Variants in ZBTB7C observed in about 807,000 individuals in gnomAD.
ZBTB7C encodes zinc finger and BTB domain containing 7C, also known as zinc finger and BTB domain-containing protein 7C.
Under a neutral mutation model 25.7 loss-of-function variants are expected in ZBTB7C, and 8 were observed. The observed-to-expected ratio is 0.31, with a 90% CI of 0.18 to 0.56. The LOEUF (loss-of-function observed/expected upper bound fraction) is 0.56. Among genes scored for constraint, ZBTB7C ranks in the 20% least tolerant of loss-of-function variants. The pLI is 0.91. For synonymous variants in ZBTB7C, 394 were observed against 369.0 expected, an observed-to-expected ratio of 1.07 and a Z score of -0.78; for missense variants, 824 against 855.2, an observed-to-expected ratio of 0.96 and a Z score of 0.46.
chr18:48,102,545 A>G (rs2038866900), intron 3 of ZBTB7C, among the ~76,000 whole-genome samples: 1 of 143,564 alleles, frequency 7.0e-6, no homozygotes, highest in African/African-American at 2.6e-5. Flanking sequence ...AGGCTGGGTG[A>G]CAGAGTGAGA....
intron 2 of ZBTB7C, among the ~76,000 whole-genome samples, chr18:48,272,444 T>C (rs2144583079): frequency 6.6e-6 from 1 of 152,256 alleles, no homozygotes; most frequent in Admixed American, 6.5e-5. Context: ...AGGGGAGAGA[T>C]GTATTCCAGA....
chr18:48,261,582 C>T (rs1282192413), intron 2 of ZBTB7C, among the ~76,000 whole-genome samples: 3 of 152,146 alleles, frequency 2.0e-5, no homozygotes, highest in Admixed American at 2.0e-4. Context: ...TGAAGGATAC[C>T]CCTGATTCCC....
intron 1 of ZBTB7C, among the ~76,000 whole-genome samples, chr18:48,367,202 TACACAC>T (rs1180190109): frequency 0.046 from 2,924 of 63,216 alleles, 308 homozygotes; most frequent in African/African-American, 0.16. Context: ...TATATATATA[TACACAC>T]ACACACACAC....
At chr18:48,209,828 A>G (rs1374916099) in intron 2 of ZBTB7C, among the ~76,000 whole-genome samples, 1 of 152,222 alleles carries the variant, frequency 6.6e-6, no homozygotes, top group Admixed American at 6.5e-5. Flanking sequence ...ATGGGACTTT[A>G]TCAAAATTTA....
chr18:48,179,834 A>T (rs2041841180), intron 3 of ZBTB7C, among the ~76,000 whole-genome samples: 1 of 113,138 alleles, frequency 8.8e-6, no homozygotes, highest in Non-Finnish European at 1.8e-5. Context: ...CTTCCCTTCA[A>T]GGAAGATATT....
chr18:48,401,764 T>C (rs987068782), intron 1 of ZBTB7C, among the ~76,000 whole-genome samples: 2 of 152,108 alleles, frequency 1.3e-5, no homozygotes, highest in South Asian at 2.1e-4. Flanking sequence ...GCTCCACCCA[T>C]GCCACCCTCC....
chr18:48,400,747 G>A (rs960826500), intron 1 of ZBTB7C, among the ~76,000 whole-genome samples: 1 of 152,218 alleles, frequency 6.6e-6, no homozygotes, highest in Non-Finnish European at 1.5e-5. Flanking sequence ...ATATATGATT[G>A]AAGTTAATTT....
chr18:48,409,685 G>C (rs2048360625), upstream of ZBTB7C, among the ~76,000 whole-genome samples: 1 of 152,094 alleles, frequency 6.6e-6, no homozygotes, highest in East Asian at 1.9e-4. Flanking sequence ...GCGGCGGGGG[G>C]CGCCCGGGAC....
chr18:48,243,559 T>A lies in ZBTB7C; in HGVS notation c.-78-57564A>T, dbSNP rs75260067. On this transcript the variant is annotated intron_variant, in intron 2 of 4. Coordinates refer to ENST00000590800, the MANE Select transcript of ZBTB7C (RefSeq NM_001318841.2). ...CAAATGGAAAAACATCCCATACTCATGGATGGGTAGAATCAATACTGTGAA... is the reference window on the plus strand; with the variant it reads ...CAAATGGAAAAACATCCCATACTCAAGGATGGGTAGAATCAATACTGTGAA... 7.2e-3 allele frequency among the ~76,000 whole-genome samples: 1,095 copies of A among 152,270 alleles called. 8 individuals are homozygous for A. Among genetic ancestry groups the A allele is most frequent in the Middle Eastern group, 0.014 (4 of 294 alleles).
intron 2 of ZBTB7C, among the ~76,000 whole-genome samples, chr18:48,330,632 T>C (rs1213717858): frequency 3.3e-5 from 5 of 151,504 alleles, no homozygotes; most frequent in African/African-American, 9.7e-5. Flanking sequence ...TTTGTTGCTT[T>C]GTCCCAGTGG....
At chr18:48,236,621 C>T (rs568431690) in intron 2 of ZBTB7C, among the ~76,000 whole-genome samples, 21 of 152,104 alleles carry the variant, frequency 1.4e-4, no homozygotes, top group Non-Finnish European at 2.5e-4. Flanking sequence ...CTGGCAGACC[C>T]TCCTAAAGCA....
chr18:48,112,260 C>CTTTT (rs1048802422), intron 3 of ZBTB7C, among the ~76,000 whole-genome samples: 4 of 120,044 alleles, frequency 3.3e-5, no homozygotes, highest in Non-Finnish European at 7.1e-5. Flanking sequence ...TAATTTTTTT[C>CTTTT]TTTTTTTTTT....
chr18:48,041,474 C>T (rs1347253671), intron 3 of ZBTB7C: 1 of 985,306 alleles, frequency 1.0e-6, no homozygotes, highest in African/African-American at 1.7e-5. Context: ...CCTCATGAAC[C>T]TAGCTGTTGC....
At chr18:48,370,724 A>T (rs2047369461) in intron 1 of ZBTB7C, among the ~76,000 whole-genome samples, 1 of 152,124 alleles carries the variant, frequency 6.6e-6, no homozygotes, top group Non-Finnish European at 1.5e-5. Context: ...GCACATACAA[A>T]CTCACACACA....
At chr18:48,209,579 A>C (rs1376521029) in intron 2 of ZBTB7C, among the ~76,000 whole-genome samples, 3 of 152,124 alleles carry the variant, frequency 2.0e-5, no homozygotes, top group African/African-American at 7.2e-5. Context: ...ACATAGTGAG[A>C]CACATCTCTA....
chr18:48,047,251 C>A (rs1015023788), intron 3 of ZBTB7C, among the ~76,000 whole-genome samples: 29 of 152,184 alleles, frequency 1.9e-4, no homozygotes, highest in African/African-American at 3.9e-4. Context: ...CATGCTCCTG[C>A]CCCCATGCCT....
At chr18:48,200,056 T>C (rs912428667) in intron 2 of ZBTB7C, among the ~76,000 whole-genome samples, 2 of 151,980 alleles carry the variant, frequency 1.3e-5, no homozygotes, top group African/African-American at 4.8e-5. Flanking sequence ...GTCAGTTTAC[T>C]TGCAAAGGAA....
intron 2 of ZBTB7C, among the ~76,000 whole-genome samples, chr18:48,275,543 G>A (rs2044619756): frequency 6.6e-6 from 1 of 152,164 alleles, no homozygotes; most frequent in African/African-American, 2.4e-5. Context: ...AGAGCGACTT[G>A]CCCTAAATCA....
intron 3 of ZBTB7C, among the ~76,000 whole-genome samples, chr18:48,110,445 T>C (rs2039198333): frequency 2.0e-5 from 3 of 152,208 alleles, no homozygotes; most frequent in South Asian, 2.1e-4. Context: ...ACCTAATTAG[T>C]GCATCTAGAG....
Sources: allele counts gnomAD v4.1 joint callset (sites outside exome capture counted in the v4.1 genomes callset), GRCh38; gene constraint gnomAD v4.1.1; transcripts MANE v1.5; gene names NCBI Gene and HGNC (gene_info 2026-07-23, HGNC 2026-07-21).